CDS1: variants seen among roughly 807,000 people sequenced by gnomAD.
CDS1 encodes the protein phosphatidate cytidylyltransferase 1.
CDS1 carries 41 observed loss-of-function variants against 62.1 expected under a neutral mutation model. That is an observed-to-expected ratio of 0.66 (90% CI 0.51 to 0.86). CDS1 has a LOEUF of 0.86. Ranked by LOEUF, CDS1 falls within the 40% of genes least tolerant of loss-of-function variation. The pLI, the probability that CDS1 is intolerant of heterozygous loss-of-function variation, is 0.00. For synonymous variants in CDS1, 185 were observed against 192.6 expected, an observed-to-expected ratio of 0.96 and a Z score of 0.32; for missense variants, 470 against 550.1, an observed-to-expected ratio of 0.85 and a Z score of 1.46.
Position 84,638,915 on chromosome 4 carries a change from C to CT in CDS1, c.811-3dup. On this transcript the variant is annotated splice_polypyrimidine_tract_variant and intron_variant, in intron 8 of 12. Coordinates refer to ENST00000295887, the MANE Select transcript of CDS1 (RefSeq NM_001263.4). ...GTAAAGCTTTTTAATTTTATTTGCC[C>CT]TTTTTTAGTTGTCTCCTAAAAAGAC... 2.0e-6 allele frequency: 3 copies of CT among 1,472,718 alleles called. No homozygotes were observed. Among genetic ancestry groups the CT allele is most frequent in the South Asian group, 1.4e-5 (1 of 71,268 alleles). 91.2% of individuals were successfully genotyped at this position (1,472,718 alleles called of 1,614,324 possible). A position where few individuals can be genotyped will look rare whatever the true frequency, so the allele number is the denominator to read the frequency against.
chr4:84,635,560 C>A (rs1435739338), intron 8 of CDS1, among the ~76,000 whole-genome samples: 2 of 145,378 alleles, frequency 1.4e-5, no homozygotes. Flanking sequence ...TCAGGAAGGG[C>A]ATGACTCCAT....
At chr4:84,611,445 A>G (rs926226993) in intron 3 of CDS1, among the ~76,000 whole-genome samples, 3 of 152,026 alleles carry the variant, frequency 2.0e-5, no homozygotes, top group African/African-American at 4.8e-5. Flanking sequence ...ATCTCCCTCC[A>G]TATTCAATTC....
intron 7 of CDS1, 66 bp from the exon 8 acceptor site, chr4:84,635,198 C>T (rs1008191471): frequency 2.2e-5 from 17 of 773,078 alleles, no homozygotes; most frequent in South Asian, 3.1e-5. Context: ...ATAACCTTTC[C>T]GAATATCTGC....
At chr4:84,634,965 A>T (rs952244850) in intron 7 of CDS1, among the ~76,000 whole-genome samples, 2 of 152,188 alleles carry the variant, frequency 1.3e-5, no homozygotes, top group Admixed American at 1.3e-4. Context: ...TTTTTATTGT[A>T]ACATGTTCCT....
chr4:84,606,920 G>C (rs986434085), intron 2 of CDS1, among the ~76,000 whole-genome samples: 1 of 152,072 alleles, frequency 6.6e-6, no homozygotes, highest in Non-Finnish European at 1.5e-5. Flanking sequence ...CTAGATTTGC[G>C]ACCTAGCCCA....
intron 11 of CDS1, 130 bp downstream of exon 11, chr4:84,643,273 C>T: frequency 1.3e-6 from 1 of 779,534 alleles, no homozygotes; most frequent in Non-Finnish European, 2.0e-6. Flanking sequence ...TTTGTTTCGA[C>T]CCCACAGAAA....
At chr4:84,638,887 G>C (rs1286674899) in intron 8 of CDS1, 37 bp from the exon 9 acceptor site, 7 of 817,012 alleles carry the variant, frequency 8.6e-6, no homozygotes, top group Non-Finnish European at 1.3e-5. Flanking sequence ...TTTTGTGAGT[G>C]CAGTAAAGCT....
At chr4:84,599,408 A>ATATG (rs1722859432) in intron 1 of CDS1, among the ~76,000 whole-genome samples, 3 of 6,666 alleles carry the variant, frequency 4.5e-4, no homozygotes, top group Admixed American at 1.5e-3. Flanking sequence ...ACACACACAT[A>ATATG]TATATATATA....
At chr4:84,597,855 G>A (rs1722799553) in intron 1 of CDS1, among the ~76,000 whole-genome samples, 1 of 151,526 alleles carries the variant, frequency 6.6e-6, no homozygotes, top group South Asian at 2.1e-4. Context: ...GGCCGGGTGC[G>A]GTGGCTCATG....
chr4:84,605,617 A>C (rs763750119), intron 2 of CDS1, among the ~76,000 whole-genome samples: 1 of 152,126 alleles, frequency 6.6e-6, no homozygotes, highest in African/African-American at 2.4e-5. Context: ...ATAACTTTGC[A>C]TTAAAATCTC....
rs1428149719 is a variant in CDS1 at position 84,608,283 on chromosome 4, C to T, written c.246-1146C>T. On this transcript the variant is annotated intron_variant, in intron 2 of 12. Transcript: ENST00000295887. ...CCGCCTCCCGGGTTCACGCCATTCTCCTGCCTCAGCCTCCCAAGTAGCTGG... is the reference window on the plus strand; with the variant it reads ...CCGCCTCCCGGGTTCACGCCATTCTTCTGCCTCAGCCTCCCAAGTAGCTGG... Among the ~76,000 whole-genome samples the T allele has an allele frequency of 1.3e-5, 2 of 152,226 alleles. 1 individual carries two copies. The highest frequency in any genetic ancestry group is 4.8e-5 in the African/African-American group (2 of 41,472).
In CDS1 at chr4:84,649,420, A is replaced by C. The variant is rs1419772513; in HGVS notation, c.*734A>C. 6.6e-6 allele frequency: 1 copy of C among 152,318 alleles called. No homozygotes were observed. The highest frequency in any genetic ancestry group is 2.4e-5 in the African/African-American group (1 of 41,464). The allele number at this position is 152,318 out of a possible 1,614,324, so 9.4% of individuals were successfully genotyped here. The stretch of plus-strand genomic sequence containing the variant: ...GGAAGAATTCTGCTGTGAAGAACAC[A>C]GTGTACGGATCCTCCGCATATTATC... On this transcript the variant is annotated 3_prime_UTR_variant, in exon 13 of 13. Transcript: ENST00000295887.
intron 2 of CDS1, among the ~76,000 whole-genome samples, chr4:84,607,454 C>T (rs78067347): frequency 0.015 from 2,178 of 148,122 alleles, 51 homozygotes; most frequent in African/African-American, 0.051. Flanking sequence ...CCCTCAGTAT[C>T]GGGGACCACA....
chr4:84,583,613 AGGTGAGGCTGCACGCTGCC>A, intron 1 of CDS1, 95 bp downstream of exon 1: 1 of 678,848 alleles, frequency 1.5e-6, no homozygotes, highest in Non-Finnish European at 2.4e-6. Context: ...GTCCAGCGTC[AGGTGAGGCTGCACGCTGCC>A]GGTGCACCTT....
At chr4:84,591,982 T>C (rs1722602715) in intron 1 of CDS1, among the ~76,000 whole-genome samples, 2 of 152,282 alleles carry the variant, frequency 1.3e-5, no homozygotes, top group African/African-American at 4.8e-5. Context: ...GCACTTCAAG[T>C]GTTTCATCGC....
chr4:84,591,071 G>C (rs1212938241), intron 1 of CDS1, among the ~76,000 whole-genome samples: 1 of 152,046 alleles, frequency 6.6e-6, no homozygotes, highest in African/African-American at 2.4e-5. Context: ...ACAATATTTT[G>C]TTTGTCAAAA....
chr4:84,643,452 G>A (rs1724456790), intron 11 of CDS1, among the ~76,000 whole-genome samples: 1 of 152,154 alleles, frequency 6.6e-6, no homozygotes, highest in African/African-American at 2.4e-5. Flanking sequence ...ATCCAGCCGT[G>A]AATCATCTAA....
At chr4:84,597,553 C>T (rs949304561) in intron 1 of CDS1, among the ~76,000 whole-genome samples, 5 of 151,916 alleles carry the variant, frequency 3.3e-5, no homozygotes, top group South Asian at 2.1e-4. Flanking sequence ...GTGGGAGGAT[C>T]GCTTGAGCCT....
chr4:84,640,768 T>C (rs1297916469), intron 9 of CDS1, 70 bp from the exon 10 acceptor site: 60 of 1,217,932 alleles, frequency 4.9e-5, no homozygotes, highest in East Asian at 8.3e-5. Context: ...TTAAAAGATA[T>C]ATGTTTAGTC....
Sources: allele counts gnomAD v4.1 joint callset (sites outside exome capture counted in the v4.1 genomes callset), GRCh38; gene constraint gnomAD v4.1.1; transcripts MANE v1.5; gene names NCBI Gene and HGNC (gene_info 2026-07-23, HGNC 2026-07-21).